Variants in CSTA observed in about 807,000 individuals in gnomAD.
CSTA encodes cystatin A.
In CSTA, 9 loss-of-function variants were observed where a neutral mutation model predicts 9.2. The observed-to-expected ratio is 0.97, with a 90% CI of 0.59 to 1.70. The LOEUF (loss-of-function observed/expected upper bound fraction) is 1.70, where lower values mean the gene tolerates loss of function less well. Among genes scored for constraint, CSTA ranks in the 40% most tolerant of loss-of-function variants. CSTA has a pLI of 0.00. For missense variants in CSTA, 118 were observed against 113.1 expected (o/e 1.04, Z -0.20); for synonymous variants, 36 against 40.6 (o/e 0.89, Z 0.43).
At chr3:122,336,668 C>A (rs2075238798) in intron 1 of CSTA, among the ~76,000 whole-genome samples, 2 of 152,140 alleles carry the variant, frequency 1.3e-5, no homozygotes, top group Non-Finnish European at 2.9e-5. Context: ...CAAGACTCCT[C>A]ACAAGACACT....
At position 122,341,763 on chromosome 3, in the gene CSTA, A is replaced by G. The variant is rs2075267266; in HGVS notation, c.*196A>G. 6 of 635,912 alleles carry G rather than the reference A, an allele frequency of 9.4e-6. 1 individual carries two copies. Among genetic ancestry groups the G allele is most frequent in the South Asian group, 7.9e-5 (4 of 50,622 alleles). The allele number at this position is 635,912 out of a possible 1,614,324, so 39.4% of individuals were successfully genotyped here. A position where few individuals can be genotyped will look rare whatever the true frequency, so the allele number is the denominator to read the frequency against. On this transcript the variant is annotated 3_prime_UTR_variant, in exon 3 of 3. Transcript: ENST00000264474. ...GTTATTGCTTTAGAGTATAAACTCC[A>G]TATAAATTGATGGCAATTGGAAATC... is the stretch of plus-strand genomic sequence containing the variant.
chr3:122,330,652 G>A (rs775076989), intron 1 of CSTA, among the ~76,000 whole-genome samples: 2 of 152,194 alleles, frequency 1.3e-5, no homozygotes, highest in African/African-American at 4.8e-5. Flanking sequence ...AAGATTCTCC[G>A]TATTAGCTGA....
In CSTA at chr3:122,341,876, C is replaced by G. The variant is rs1412860489; in HGVS notation, c.*309C>G. 5 of 358,518 alleles carry G rather than the reference C, an allele frequency of 1.4e-5. No individual in the cohort carries two copies. Among genetic ancestry groups the G allele is most frequent in the South Asian group, 2.6e-5 (1 of 38,832 alleles). 22.2% of individuals were successfully genotyped at this position (358,518 alleles called of 1,614,324 possible). Reference sequence around the variant, plus strand: ...ATAGGCAGGCTGGATCGTGGACTATCAATTCACCAGCCTCCTTGTTCCCTG... The same window carrying G: ...ATAGGCAGGCTGGATCGTGGACTATGAATTCACCAGCCTCCTTGTTCCCTG... On this transcript the variant is annotated 3_prime_UTR_variant, in exon 3 of 3. Transcript: ENST00000264474.
chr3:122,328,499 CAAAAA>C (rs34247215), intron 1 of CSTA, among the ~76,000 whole-genome samples: 2 of 86,036 alleles, frequency 2.3e-5, no homozygotes, highest in Non-Finnish European at 2.2e-5. Flanking sequence ...GATTCCATCT[CAAAAA>C]AAAAAAAAAA....
intron 2 of CSTA, among the ~76,000 whole-genome samples, chr3:122,338,649 G>A (rs1378042076): frequency 6.6e-6 from 1 of 152,122 alleles, no homozygotes; most frequent in Non-Finnish European, 1.5e-5. Context: ...ACATGTGAAA[G>A]AGGACCCTGC....
intron 1 of CSTA, among the ~76,000 whole-genome samples, chr3:122,329,743 C>G (rs893189334): frequency 7.2e-5 from 11 of 152,034 alleles, no homozygotes; most frequent in African/African-American, 2.7e-4. Context: ...TTGGGAAAAT[C>G]GAGATATCTG....
chr3:122,325,354 A>C lies in CSTA; in HGVS notation c.62A>C (p.Asp21Ala). 6.2e-7 allele frequency: 1 copy of C among 1,614,168 alleles called. No homozygotes were observed. Among genetic ancestry groups the C allele is most frequent in the Non-Finnish European group, 8.5e-7 (1 of 1,180,000 alleles). The change falls in exon 1 of 3, where the codon GAT (aspartate) becomes GCT (alanine). Residue 21 changes from aspartate to alanine, a missense_variant. Transcript: ENST00000264474. ...PATPEIQEIVDKVKPQLEEKT... is the reference protein window; with the variant it reads ...PATPEIQEIVAKVKPQLEEKT... Reference sequence around the variant, plus strand: ...ACTCCAGAAATCCAGGAGATTGTTGATAAGGTGAGTTGATGCCATTCAGGA... The same window carrying C: ...ACTCCAGAAATCCAGGAGATTGTTGCTAAGGTGAGTTGATGCCATTCAGGA...
At position 122,341,753 on chromosome 3, in the gene CSTA, T is replaced by C; in HGVS notation, c.*186T>C. 1 of 692,278 alleles carries C rather than the reference T, an allele frequency of 1.4e-6. No individual in the cohort carries two copies. The highest frequency in any genetic ancestry group is 2.3e-6 in the Non-Finnish European group (1 of 427,912). The allele number at this position is 692,278 out of a possible 1,614,324, so 42.9% of individuals were successfully genotyped here. A position where few individuals can be genotyped will look rare whatever the true frequency, so the allele number is the denominator to read the frequency against. The stretch of plus-strand genomic sequence containing the variant: ...CAAAATCAGTGTTATTGCTTTAGAG[T>C]ATAAACTCCATATAAATTGATGGCA... On this transcript the variant is annotated 3_prime_UTR_variant, in exon 3 of 3. Transcript: ENST00000264474.
intron 1 of CSTA, among the ~76,000 whole-genome samples, chr3:122,331,277 T>TCCA: frequency 6.6e-6 from 1 of 152,210 alleles, no homozygotes; most frequent in African/African-American, 2.4e-5. Context: ...ACTTAGCATG[T>TCCA]CATGGCTCTC....
intron 1 of CSTA, among the ~76,000 whole-genome samples, chr3:122,335,392 T>C (rs1420790825): frequency 1.3e-5 from 2 of 152,192 alleles, no homozygotes; most frequent in Non-Finnish European, 2.9e-5. Flanking sequence ...AGGGTCTTTA[T>C]AAGAATTATA....
chr3:122,327,736 G>T (rs1048499263), intron 1 of CSTA, among the ~76,000 whole-genome samples: 1 of 37,460 alleles, frequency 2.7e-5, no homozygotes, highest in Non-Finnish European at 7.3e-5. Flanking sequence ...GTGGCTGAAA[G>T]CATCCCTGAC....
At chr3:122,333,232 C>T (rs2075214134) in intron 1 of CSTA, among the ~76,000 whole-genome samples, 1 of 152,086 alleles carries the variant, frequency 6.6e-6, no homozygotes, top group Non-Finnish European at 1.5e-5. Context: ...AACTTAGGGC[C>T]AGGCATGGGG....
At chr3:122,340,943 A>G (rs1234607135) in intron 2 of CSTA, among the ~76,000 whole-genome samples, 2 of 48,850 alleles carry the variant, frequency 4.1e-5, no homozygotes, top group Non-Finnish European at 8.2e-5. Context: ...ATTAGTCTAC[A>G]ATTTTTTTTT....
intron 1 of CSTA, 26 bp from the exon 2 acceptor site, chr3:122,337,521 T>G (rs1364082318): frequency 1.3e-6 from 2 of 1,510,204 alleles, no homozygotes; most frequent in African/African-American, 1.4e-5. Context: ...GCTTTGATTA[T>G]TTGTTTCCTC....
At chr3:122,326,311 G>A (rs1397726371) in intron 1 of CSTA, among the ~76,000 whole-genome samples, 3 of 152,184 alleles carry the variant, frequency 2.0e-5, no homozygotes, top group East Asian at 1.9e-4. Flanking sequence ...GATTACAGGC[G>A]TGAGCCACCA....
At chr3:122,337,206 T>A (rs2075241265) in intron 1 of CSTA, among the ~76,000 whole-genome samples, 1 of 152,216 alleles carries the variant, frequency 6.6e-6, no homozygotes, top group Non-Finnish European at 1.5e-5. Flanking sequence ...AAGTCTGAAA[T>A]CATTTTAAAA....
intron 1 of CSTA, among the ~76,000 whole-genome samples, chr3:122,330,076 T>C (rs1054422010): frequency 6.6e-6 from 1 of 152,196 alleles, no homozygotes; most frequent in Admixed American, 6.5e-5. Context: ...CAGGTATTAT[T>C]ATAACCGCTT....
At chr3:122,331,048 TTTAA>T (rs1167993683) in intron 1 of CSTA, among the ~76,000 whole-genome samples, 2 of 151,996 alleles carry the variant, frequency 1.3e-5, no homozygotes, top group East Asian at 1.9e-4. Context: ...AGAAATGTTA[TTTAA>T]TTGTTTTTAG....
At chr3:122,336,217 A>G (rs1446983600) in intron 1 of CSTA, among the ~76,000 whole-genome samples, 1 of 152,190 alleles carries the variant, frequency 6.6e-6, no homozygotes, top group African/African-American at 2.4e-5. Flanking sequence ...TAAAAGGAGC[A>G]GGGACTCCTT....
Sources: gnomAD v4.1 joint callset for allele counts (sites outside exome capture counted in the v4.1 genomes callset) on GRCh38, gnomAD v4.1.1 for gene constraint, MANE v1.5 for transcripts, NCBI Gene and HGNC (gene_info 2026-07-23, HGNC 2026-07-21) for gene names.